The following LARGE1 variants were observed in gnomAD, a reference collection of about 807,000 sequenced individuals.
LARGE1 encodes LARGE xylosyl- and glucuronyltransferase 1.
In LARGE1, 43 loss-of-function variants were observed where a neutral mutation model predicts 87.6. The observed-to-expected ratio is 0.49, with a 90% CI of 0.38 to 0.63. The LOEUF (loss-of-function observed/expected upper bound fraction) is 0.63, where lower values mean the gene tolerates loss of function less well. Ranked by LOEUF, LARGE1 falls within the 30% of genes least tolerant of loss-of-function variation. The probability of loss-of-function intolerance (pLI) is 0.00; values close to 1 mark genes in which losing one functional copy is unlikely to be tolerated. For synonymous variants in LARGE1, 434 were observed against 394.6 expected, an observed-to-expected ratio of 1.10 and a Z score of -1.18; for missense variants, 802 against 1,000.2, an observed-to-expected ratio of 0.80 and a Z score of 2.67.
intron 7 of LARGE1, among the ~76,000 whole-genome samples, chr22:33,428,947 A>C (rs942341631): frequency 1.0e-4 from 12 of 117,836 alleles, no homozygotes; most frequent in Admixed American, 1.8e-4. Context: ...AAGAAACAAA[A>C]AAAAAAAAAA....
chr22:33,128,359 C>T, the LARGE1 span, among the ~76,000 whole-genome samples: 1 of 152,194 alleles, frequency 6.6e-6, no homozygotes, highest in Non-Finnish European at 1.5e-5. Flanking sequence ...CCCAAATGCT[C>T]ATCAGTGATA....
At chr22:33,761,095 T>A (rs2084713479) in intron 2 of LARGE1, among the ~76,000 whole-genome samples, 1 of 151,992 alleles carries the variant, frequency 6.6e-6, no homozygotes, top group Admixed American at 6.6e-5. Flanking sequence ...CCCAACCTTT[T>A]CTCCCATTAT....
At chr22:33,588,731 G>A (rs1602589560) in intron 5 of LARGE1, among the ~76,000 whole-genome samples, 2 of 152,198 alleles carry the variant, frequency 1.3e-5, no homozygotes, top group African/African-American at 2.4e-5. Context: ...CCTGGCTTAA[G>A]AGGGAGTCAG....
At chr22:33,631,010 G>A (rs1431045283) in intron 3 of LARGE1, among the ~76,000 whole-genome samples, 9 of 151,762 alleles carry the variant, frequency 5.9e-5, no homozygotes, top group Non-Finnish European at 1.3e-4. Context: ...CTGCCACCAC[G>A]CCCGGCTAAT....
At chr22:33,292,880 C>G (rs1477907101) in intron 12 of LARGE1, among the ~76,000 whole-genome samples, 1 of 152,144 alleles carries the variant, frequency 6.6e-6, no homozygotes, top group Non-Finnish European at 1.5e-5. Flanking sequence ...CTTTTGTTTC[C>G]TTATCTTGAT....
rs1275072864 is a variant in LARGE1, at chr22:33,658,328, G to C, written c.107-7660C>G. Reference sequence around the variant, plus strand: ...GGTCCGGGATACATGTGCAGGACATGCAGGTTTGTTACATGGTAAACATGT... The same window carrying C: ...GGTCCGGGATACATGTGCAGGACATCCAGGTTTGTTACATGGTAAACATGT... On this transcript the variant is annotated intron_variant, in intron 2 of 14. Transcript: ENST00000397394. Among the ~76,000 whole-genome samples, 4 of 152,282 alleles carry C rather than the reference G, an allele frequency of 2.6e-5. 1 individual carries two copies. The East Asian group carries it at 7.7e-4, about 29-fold the overall frequency.
the LARGE1 span, among the ~76,000 whole-genome samples, chr22:33,122,589 C>T: frequency 2.0e-5 from 3 of 152,046 alleles, no homozygotes; most frequent in Non-Finnish European, 4.4e-5. Context: ...GAACTCCTGA[C>T]CTCAGGTGAT....
At chr22:33,108,211 G>A in the LARGE1 span, among the ~76,000 whole-genome samples, 1,376 of 152,170 alleles carry the variant, frequency 9.0e-3, 24 homozygotes, top group African/African-American at 0.032. Context: ...CATCCTAATT[G>A]TGAGTCACTG....
At chr22:33,271,688 T>C (rs1928253832), downstream of LARGE1, among the ~76,000 whole-genome samples, 1 of 152,244 alleles carries the variant, frequency 6.6e-6, no homozygotes, top group African/African-American at 2.4e-5. Context: ...TGGCTACAGC[T>C]CCCCACACAT....
chr22:33,356,004 T>C (rs1244290650), intron 9 of LARGE1, among the ~76,000 whole-genome samples: 1 of 151,364 alleles, frequency 6.6e-6, no homozygotes, highest in Non-Finnish European at 1.5e-5. Context: ...GTATTTGGTA[T>C]GTAGTACATA....
chr22:33,673,106 C>G (rs2081465521), intron 2 of LARGE1, among the ~76,000 whole-genome samples: 1 of 152,082 alleles, frequency 6.6e-6, no homozygotes, highest in Non-Finnish European at 1.5e-5. Context: ...AACCCCGTCT[C>G]TACTAAAAAT....
intron 2 of LARGE1, among the ~76,000 whole-genome samples, chr22:33,664,659 G>A (rs2081216666): frequency 6.6e-6 from 1 of 152,170 alleles, no homozygotes; most frequent in African/African-American, 2.4e-5. Context: ...AAGGTCAAGA[G>A]ATCAAGACCA....
intron 10 of LARGE1, among the ~76,000 whole-genome samples, chr22:33,326,692 A>T (rs1301469391): frequency 1.3e-5 from 2 of 152,136 alleles, no homozygotes; most frequent in African/African-American, 4.8e-5. Context: ...CCACTTGAGA[A>T]AGGGAGATAT....
chr22:33,692,033 ATTATT>A (rs971845295), intron 2 of LARGE1, among the ~76,000 whole-genome samples: 4 of 152,334 alleles, frequency 2.6e-5, no homozygotes, highest in Admixed American at 1.3e-4. Flanking sequence ...CCAATCTCCT[ATTATT>A]TTAAGTAGGA....
intron 2 of LARGE1, chr22:33,733,718 T>C (rs899229972): frequency 6.6e-6 from 1 of 152,208 alleles, no homozygotes; most frequent in African/African-American, 2.4e-5. Flanking sequence ...TGCAAAGAGA[T>C]AAACCTTGCC....
At chr22:33,535,021 C>T (rs2077000820) in intron 6 of LARGE1, among the ~76,000 whole-genome samples, 1 of 152,206 alleles carries the variant, frequency 6.6e-6, no homozygotes, top group African/African-American at 2.4e-5. Flanking sequence ...CAATCTTGGG[C>T]TGGGCTGTTT....
intron 6 of LARGE1, among the ~76,000 whole-genome samples, chr22:33,530,834 T>C (rs1267987847): frequency 6.6e-6 from 1 of 152,192 alleles, no homozygotes; most frequent in Non-Finnish European, 1.5e-5. Flanking sequence ...TGGACTCCGA[T>C]GTAATTATTT....
intron 5 of LARGE1, among the ~76,000 whole-genome samples, chr22:33,598,706 TC>T: frequency 6.6e-6 from 1 of 152,244 alleles, no homozygotes; most frequent in East Asian, 1.9e-4. Context: ...CATGAACTTA[TC>T]CTTTTTAAAG....
chr22:33,358,935 T>C (rs946199547), intron 9 of LARGE1, among the ~76,000 whole-genome samples: 1 of 151,234 alleles, frequency 6.6e-6, no homozygotes, highest in Admixed American at 6.6e-5. Context: ...GAGGTGGAGC[T>C]TGAAGTGAGC....
Sources: gnomAD v4.1 joint callset for allele counts (sites outside exome capture counted in the v4.1 genomes callset) on GRCh38, gnomAD v4.1.1 for gene constraint, MANE v1.5 for transcripts, NCBI Gene and HGNC (gene_info 2026-07-23, HGNC 2026-07-21) for gene names.